Variants in PDE4D observed in about 807,000 individuals in gnomAD.
PDE4D encodes the protein 3',5'-cyclic-AMP phosphodiesterase 4D.
Under a neutral mutation model 87.4 loss-of-function variants are expected in PDE4D, and 24 were observed. That is an observed-to-expected ratio of 0.27 (90% CI 0.20 to 0.39). The LOEUF is 0.39. Ranked by LOEUF, PDE4D falls within the 10% of genes least tolerant of loss-of-function variation. The pLI is 1.00. For synonymous variants in PDE4D, 384 were observed against 383.2 expected (o/e 1.00, Z -0.02); for missense variants, 714 against 1,041.0 (o/e 0.69, Z 4.32).
At chr5:60,245,932 T>C (rs1422268999) in intron 1 of PDE4D, among the ~76,000 whole-genome samples, 2 of 151,886 alleles carry the variant, frequency 1.3e-5, no homozygotes, top group Non-Finnish European at 2.9e-5. Context: ...AAGAGTATAA[T>C]TGGATTGTTT....
At chr5:59,156,026 A>T (rs1300916917) in intron 5 of PDE4D, among the ~76,000 whole-genome samples, 1 of 152,128 alleles carries the variant, frequency 6.6e-6, no homozygotes, top group Non-Finnish European at 1.5e-5. Context: ...AGAGGGGCAC[A>T]GCAGGAACTA....
chr5:59,187,999 G>A (rs1294688446), intron 3 of PDE4D, among the ~76,000 whole-genome samples: 1 of 151,872 alleles, frequency 6.6e-6, no homozygotes, highest in Non-Finnish European at 1.5e-5. Flanking sequence ...TGCATTGCAG[G>A]GCACAAAGAG....
intron 5 of PDE4D, among the ~76,000 whole-genome samples, chr5:59,153,839 T>A (rs1002421883): frequency 1.3e-5 from 2 of 151,254 alleles, no homozygotes; most frequent in African/African-American, 4.9e-5. Context: ...ATGCTAGAGG[T>A]AGGTTTGGGA....
At position 59,399,504 on chromosome 5, in the gene PDE4D, G is replaced by A. The variant is rs1158815924; in HGVS notation, c.456-183536C>T. On this transcript the variant is annotated intron_variant, in intron 1 of 14. Transcript: ENST00000340635. ...GGAAAGGATTCCCTATTTAATAAAC[G>A]GTTCTGGGAAAACTGGCTAGCCATA... Among the ~76,000 whole-genome samples, 7 of 135,130 alleles carry A rather than the reference G, an allele frequency of 5.2e-5. 1 individual carries two copies. Among genetic ancestry groups the A allele is most frequent in the Admixed American group, 2.2e-4 (3 of 13,674 alleles). 88.7% of individuals were successfully genotyped at this position (135,130 alleles called of 152,430 possible).
chr5:60,435,805 A>T (rs747510803), intron 1 of PDE4D, among the ~76,000 whole-genome samples: 2 of 152,060 alleles, frequency 1.3e-5, no homozygotes, highest in Non-Finnish European at 1.5e-5. Flanking sequence ...ACCTCTTTCT[A>T]TTTGCAACCT....
At chr5:59,048,003 T>C (rs1760977786) in intron 5 of PDE4D, among the ~76,000 whole-genome samples, 1 of 152,166 alleles carries the variant, frequency 6.6e-6, no homozygotes, top group Admixed American at 6.5e-5. Context: ...AAGCCATCAG[T>C]TTATGGTATT....
At chr5:59,220,278 G>A (rs1166276568) in intron 1 of PDE4D, among the ~76,000 whole-genome samples, 3 of 150,576 alleles carry the variant, frequency 2.0e-5, no homozygotes, top group Non-Finnish European at 4.4e-5. Flanking sequence ...ACACTTTAGA[G>A]GCACACGTGG....
chr5:59,669,666 C>A (rs1746861319), intron 1 of PDE4D, among the ~76,000 whole-genome samples: 1 of 152,092 alleles, frequency 6.6e-6, no homozygotes, highest in Admixed American at 6.5e-5. Context: ...CTTCCAGCAC[C>A]TGAAATACTT....
chr5:59,556,555 A>T (rs1818951392), intron 1 of PDE4D, among the ~76,000 whole-genome samples: 1 of 152,176 alleles, frequency 6.6e-6, no homozygotes, highest in South Asian at 2.1e-4. Flanking sequence ...CCCAGGGGAG[A>T]ATACATTTCA....
intron 1 of PDE4D, among the ~76,000 whole-genome samples, chr5:60,317,367 T>C (rs979760922): frequency 1.7e-4 from 26 of 152,164 alleles, no homozygotes; most frequent in Non-Finnish European, 2.9e-5. Flanking sequence ...ATCTATTTGA[T>C]TCTTCTCTCT....
intron 2 of PDE4D, among the ~76,000 whole-genome samples, chr5:59,200,335 G>A (rs1746880921): frequency 8.7e-6 from 1 of 115,336 alleles, no homozygotes; most frequent in Non-Finnish European, 1.8e-5. Context: ...ACACGTGTAT[G>A]TACAGCTACA....
At chr5:60,391,523 A>G (rs1762559797) in intron 1 of PDE4D, among the ~76,000 whole-genome samples, 1 of 152,152 alleles carries the variant, frequency 6.6e-6, no homozygotes, top group South Asian at 2.1e-4. Context: ...AGCTCTAGAG[A>G]TCATCCACAT....
At chr5:59,914,508 A>G (rs1214489007) in intron 3 of PDE4D, among the ~76,000 whole-genome samples, 3 of 151,608 alleles carry the variant, frequency 2.0e-5, no homozygotes, top group Non-Finnish European at 4.4e-5. Context: ...TGAGGGAGAG[A>G]TCAGAAAAGA....
chr5:60,380,111 G>A (rs555096827), intron 1 of PDE4D, among the ~76,000 whole-genome samples: 1 of 152,278 alleles, frequency 6.6e-6, no homozygotes, highest in African/African-American at 2.4e-5. Flanking sequence ...ATGGGTGATT[G>A]AGCTTAAAAA....
chr5:59,641,829 C>T (rs1741630489), intron 1 of PDE4D, among the ~76,000 whole-genome samples: 1 of 152,122 alleles, frequency 6.6e-6, no homozygotes, highest in African/African-American at 2.4e-5. Context: ...TGAAAGTAGA[C>T]ACTAATATAT....
intron 1 of PDE4D, among the ~76,000 whole-genome samples, chr5:60,464,068 C>G (rs1175337021): frequency 6.6e-6 from 1 of 152,104 alleles, no homozygotes; most frequent in Non-Finnish European, 1.5e-5. Flanking sequence ...ATACAATGAT[C>G]TGTGGGCTTT....
intron 2 of PDE4D, among the ~76,000 whole-genome samples, chr5:60,145,301 A>G (rs556804860): frequency 6.6e-5 from 10 of 152,346 alleles, no homozygotes; most frequent in Non-Finnish European, 1.2e-4. Flanking sequence ...GGCACACTCA[A>G]GAATGACTTC....
At chr5:60,407,355 C>A (rs1187001547) in intron 1 of PDE4D, among the ~76,000 whole-genome samples, 1 of 151,630 alleles carries the variant, frequency 6.6e-6, no homozygotes, top group Non-Finnish European at 1.5e-5. Flanking sequence ...CAGTCACAAG[C>A]CTATCTCCCT....
intron 1 of PDE4D, among the ~76,000 whole-genome samples, chr5:60,334,817 A>C (rs1179343738): frequency 6.6e-6 from 1 of 152,192 alleles, no homozygotes; most frequent in Non-Finnish European, 1.5e-5. Context: ...AAGAGAAAAG[A>C]AGGAATAAAT....
Sources: gnomAD v4.1 joint callset for allele counts (sites outside exome capture counted in the v4.1 genomes callset) on GRCh38, gnomAD v4.1.1 for gene constraint, MANE v1.5 for transcripts, NCBI Gene and HGNC (gene_info 2026-07-23, HGNC 2026-07-21) for gene names.